The following NBAS variants were observed in gnomAD, a reference collection of about 807,000 sequenced individuals.
NBAS encodes NBAS subunit of NRZ tethering complex, also known as NAG/BC035112 fusion.
In NBAS, 219 loss-of-function variants were observed where a neutral mutation model predicts 302.5. The ratio of observed to expected loss-of-function variants is 0.72; its 90% CI spans 0.65 to 0.81. The LOEUF is 0.81. Among genes scored for constraint, NBAS ranks in the 30% least tolerant of loss-of-function variants. The probability of loss-of-function intolerance (pLI) is 0.00; values close to 1 mark genes in which losing one functional copy is unlikely to be tolerated. For missense variants in NBAS, 2,932 were observed against 2,841.6 expected, an observed-to-expected ratio of 1.03 and a Z score of -0.72; for synonymous variants, 1,118 against 1,021.6, an observed-to-expected ratio of 1.09 and a Z score of -1.80.
At chr2:15,533,669 G>T (rs943594233) in intron 9 of NBAS, among the ~76,000 whole-genome samples, 1 of 142,024 alleles carries the variant, frequency 7.0e-6, no homozygotes, top group Non-Finnish European at 1.5e-5. Flanking sequence ...GGAGGACTTC[G>T]GGGGGTGTGC....
the NBAS span, among the ~76,000 whole-genome samples, chr2:14,947,303 A>C: frequency 1.3e-5 from 2 of 152,102 alleles, no homozygotes; most frequent in African/African-American, 2.4e-5. Flanking sequence ...GAGAAGACCC[A>C]AATACATAAA....
intron 48 of NBAS, among the ~76,000 whole-genome samples, chr2:15,196,626 C>CAATTTGAGTAAGG: frequency 6.6e-6 from 1 of 152,062 alleles, no homozygotes; most frequent in East Asian, 1.9e-4. Flanking sequence ...GATGAATAAG[C>CAATTTGAGTAAGG]AGAATACAAT....
intron 17 of NBAS, 24 bp from the exon 18 acceptor site, chr2:15,467,828 T>C (rs758487297): frequency 1.3e-6 from 2 of 1,542,062 alleles, no homozygotes; most frequent in Admixed American, 1.7e-5. Flanking sequence ...AGAACAAATA[T>C]ATTTTCATCA....
chr2:15,059,046 G>C, the NBAS span, among the ~76,000 whole-genome samples: 1 of 152,136 alleles, frequency 6.6e-6, no homozygotes, highest in Admixed American at 6.5e-5. Flanking sequence ...TGTCTCAAAG[G>C]CTCTCTGTTC....
the NBAS span, among the ~76,000 whole-genome samples, chr2:14,997,156 TG>T: frequency 1.3e-5 from 2 of 151,844 alleles, no homozygotes. Context: ...TACTTGAGGA[TG>T]GAGGGAGAGG....
intron 11 of NBAS, among the ~76,000 whole-genome samples, chr2:15,496,316 G>A (rs373984874): frequency 2.0e-5 from 3 of 152,108 alleles, no homozygotes; most frequent in African/African-American, 7.2e-5. Context: ...GGTTGCTTAC[G>A]AGCTGGGGAG....
At chr2:15,101,702 A>G in the NBAS span, among the ~76,000 whole-genome samples, 2 of 152,198 alleles carry the variant, frequency 1.3e-5, no homozygotes, top group African/African-American at 4.8e-5. Context: ...ATCCAATGTC[A>G]ATATTCATTC....
At chr2:15,281,627 T>C (rs867859840) in intron 42 of NBAS, among the ~76,000 whole-genome samples, 10 of 152,048 alleles carry the variant, frequency 6.6e-5, no homozygotes, top group Non-Finnish European at 5.9e-5. Context: ...GGGCTGAAAA[T>C]AGTCATTTTG....
At chr2:15,029,149 T>G in the NBAS span, among the ~76,000 whole-genome samples, 1 of 152,316 alleles carries the variant, frequency 6.6e-6, no homozygotes, top group South Asian at 2.1e-4. Flanking sequence ...TGATTTTCAG[T>G]CAGCTCCAAA....
At position 15,541,970 on chromosome 2, in the gene NBAS, C is replaced by T. The variant is rs868334513; in HGVS notation, c.380-2614G>A. Among the ~76,000 whole-genome samples, 9 of 65,832 alleles carry T rather than the reference C, an allele frequency of 1.4e-4. 4 individuals carry two copies. Among genetic ancestry groups the T allele is most frequent in the Admixed American group, 2.8e-4 (2 of 7,056 alleles). The allele number at this position is 65,832 out of a possible 152,430, so 43.2% of individuals were successfully genotyped here. A position where few individuals can be genotyped will look rare whatever the true frequency, so the allele number is the denominator to read the frequency against. On this transcript the variant is annotated intron_variant, in intron 6 of 51. Coordinates refer to ENST00000281513, the MANE Select transcript of NBAS (RefSeq NM_015909.4). ...GAGGGAGGTGGGGGGGTCAGCCCCC[C>T]GACCGGCCAGCCACCCCGTCCGGGA...
At chr2:15,059,959 A>C in the NBAS span, among the ~76,000 whole-genome samples, 3 of 96,944 alleles carry the variant, frequency 3.1e-5, no homozygotes, top group Middle Eastern at 8.8e-3. Flanking sequence ...AAAAAAAAAA[A>C]AAAACAAAAA....
In NBAS at chr2:15,418,914, C is replaced by T. The variant is rs140560615; in HGVS notation, c.2578-1202G>A. ...GAGGATTTCTGAATGAGACATGTCACAAATAGAGCTACACTTTGGAAGGAA... is the reference window on the plus strand; with the variant it reads ...GAGGATTTCTGAATGAGACATGTCATAAATAGAGCTACACTTTGGAAGGAA... On this transcript the variant is annotated intron_variant, in intron 23 of 51. Transcript: ENST00000281513. 4.6e-5 allele frequency among the ~76,000 whole-genome samples: 7 copies of T among 152,166 alleles called. No homozygotes were observed. The East Asian group carries it at 1.4e-3, about 29-fold the overall frequency.
At chr2:15,420,469 C>A (rs1375987500) in intron 23 of NBAS, among the ~76,000 whole-genome samples, 2 of 152,002 alleles carry the variant, frequency 1.3e-5, no homozygotes, top group East Asian at 3.9e-4. Context: ...AAGAAAGAAG[C>A]CAAGGAGAAT....
the NBAS span, among the ~76,000 whole-genome samples, chr2:14,880,700 G>GAGGAT: frequency 6.6e-6 from 1 of 151,762 alleles, no homozygotes; most frequent in Non-Finnish European, 1.5e-5. Flanking sequence ...GACAATAAAA[G>GAGGAT]AGGATTCAAC....
At chr2:15,527,385 G>C (rs1364728778) in intron 9 of NBAS, among the ~76,000 whole-genome samples, 1 of 152,168 alleles carries the variant, frequency 6.6e-6, no homozygotes, top group Admixed American at 6.5e-5. Context: ...CTGTGACTGA[G>C]TAATTTATGA....
the NBAS span, among the ~76,000 whole-genome samples, chr2:14,947,222 C>G: frequency 1.3e-5 from 2 of 151,586 alleles, no homozygotes; most frequent in Non-Finnish European, 2.9e-5. Context: ...ATCAACAAAA[C>G]AAAAAGTTGA....
rs563670847 is a variant in NBAS at position 15,334,685 on chromosome 2, T to C, written c.4180-3920A>G. On this transcript the variant is annotated intron_variant, in intron 35 of 51. Coordinates refer to ENST00000281513, the MANE Select transcript of NBAS (RefSeq NM_015909.4). The stretch of plus-strand genomic sequence containing the variant: ...TGCAAAAGAAAAAGAATACTATTTA[T>C]TCACAGCCCCATGATGCAAAGACAA... 2.0e-5 allele frequency among the ~76,000 whole-genome samples: 3 copies of C among 152,368 alleles called. No homozygotes were observed. In the South Asian group the frequency reaches 6.2e-4, roughly 32 times the overall value.
the NBAS span, among the ~76,000 whole-genome samples, chr2:14,914,173 T>A: frequency 6.6e-6 from 1 of 152,142 alleles, no homozygotes; most frequent in Admixed American, 6.5e-5. Flanking sequence ...TTCAATTATC[T>A]CCCACTGGGT....
At chr2:14,793,389 C>A in the NBAS span, among the ~76,000 whole-genome samples, 1 of 151,988 alleles carries the variant, frequency 6.6e-6, no homozygotes, top group Non-Finnish European at 1.5e-5. Context: ...TAAAAATAAT[C>A]AAATGAATAA....
Sources: allele counts gnomAD v4.1 joint callset (sites outside exome capture counted in the v4.1 genomes callset), GRCh38; gene constraint gnomAD v4.1.1; transcripts MANE v1.5; gene names NCBI Gene and HGNC (gene_info 2026-07-23, HGNC 2026-07-21).